GPC5: variants seen among roughly 807,000 people sequenced by gnomAD.
GPC5 encodes glypican 5, also known as glypican-5.
GPC5 carries 47 observed loss-of-function variants against 53.9 expected under a neutral mutation model. That is an observed-to-expected ratio of 0.87 (90% CI 0.69 to 1.11). The LOEUF (loss-of-function observed/expected upper bound fraction) is 1.11. Ranked by LOEUF, GPC5 falls within the 50% of genes most tolerant of loss-of-function variation. The probability of loss-of-function intolerance (pLI) is 0.00; values close to 1 mark genes in which losing one functional copy is unlikely to be tolerated. For missense variants in GPC5, 748 were observed against 713.1 expected (o/e 1.05, Z -0.56); for synonymous variants, 286 against 263.3 (o/e 1.09, Z -0.84).
At chr13:91,941,575 A>C (rs1378533682) in intron 6 of GPC5, among the ~76,000 whole-genome samples, 1 of 152,078 alleles carries the variant, frequency 6.6e-6, no homozygotes, top group Non-Finnish European at 1.5e-5. Context: ...TGAGAATCTT[A>C]CATGTCTAGA....
chr13:92,773,694 T>G (rs566312498), intron 7 of GPC5, among the ~76,000 whole-genome samples: 3 of 152,188 alleles, frequency 2.0e-5, no homozygotes, highest in South Asian at 2.1e-4. Context: ...TCTTGCCACT[T>G]GACTATCTAA....
chr13:91,627,854 C>A (rs554574779), intron 2 of GPC5, among the ~76,000 whole-genome samples: 68 of 152,132 alleles, frequency 4.5e-4, no homozygotes, highest in African/African-American at 1.6e-3. Context: ...TAATAGTATT[C>A]TTCAATATCA....
chr13:92,667,650 CT>C (rs1409970739), intron 7 of GPC5, among the ~76,000 whole-genome samples: 3 of 151,906 alleles, frequency 2.0e-5, no homozygotes, highest in Admixed American at 6.6e-5. Context: ...GACATTGCTG[CT>C]TTGGGGTACT....
chr13:92,857,286 C>A (rs1051481039), intron 7 of GPC5, among the ~76,000 whole-genome samples: 1 of 152,030 alleles, frequency 6.6e-6, no homozygotes, highest in South Asian at 2.1e-4. Flanking sequence ...TTAAACTGGA[C>A]TCCTACATGT....
chr13:92,705,598 C>T (rs995080966), intron 7 of GPC5, among the ~76,000 whole-genome samples: 1 of 151,986 alleles, frequency 6.6e-6, no homozygotes, highest in Non-Finnish European at 1.5e-5. Flanking sequence ...GAAATAAATA[C>T]ATAATGTCAT....
At chr13:92,005,733 G>A (rs745989233) in intron 6 of GPC5, among the ~76,000 whole-genome samples, 1 of 152,120 alleles carries the variant, frequency 6.6e-6, no homozygotes, top group Non-Finnish European at 1.5e-5. Flanking sequence ...ACAGTTCCTA[G>A]CCTATAATTA....
At chr13:91,937,716 T>C (rs528373250) in intron 6 of GPC5, among the ~76,000 whole-genome samples, 119 of 152,112 alleles carry the variant, frequency 7.8e-4, no homozygotes, top group Non-Finnish European at 1.5e-3. Context: ...TCATTCTGAA[T>C]TGTATATAGG....
At chr13:92,206,976 A>G (rs866528179) in intron 7 of GPC5, among the ~76,000 whole-genome samples, 1 of 152,166 alleles carries the variant, frequency 6.6e-6, no homozygotes, top group Non-Finnish European at 1.5e-5. Context: ...ATCTTTTGCT[A>G]TGAGCCTCTC....
intron 7 of GPC5, among the ~76,000 whole-genome samples, chr13:92,528,437 C>A (rs1018273332): frequency 2.6e-5 from 4 of 151,980 alleles, no homozygotes; most frequent in Non-Finnish European, 5.9e-5. Flanking sequence ...TATGACATTC[C>A]TTCTAGAATT....
At chr13:91,933,760 T>C (rs1172103720) in intron 6 of GPC5, among the ~76,000 whole-genome samples, 1 of 151,964 alleles carries the variant, frequency 6.6e-6, no homozygotes, top group Admixed American at 6.6e-5. Flanking sequence ...GATTTGTAGT[T>C]AGAAGTCATT....
intron 7 of GPC5, among the ~76,000 whole-genome samples, chr13:92,203,051 C>T (rs1001886182): frequency 6.6e-6 from 1 of 152,140 alleles, no homozygotes; most frequent in African/African-American, 2.4e-5. Flanking sequence ...AATAAATATT[C>T]ACCCCCATAG....
chr13:92,257,251 A>G (rs1311510474), intron 7 of GPC5, among the ~76,000 whole-genome samples: 3 of 152,078 alleles, frequency 2.0e-5, no homozygotes, highest in African/African-American at 4.8e-5. Context: ...AGTAATTGAA[A>G]TGTGATTTTT....
chr13:92,410,512 T>C (rs961940897), intron 7 of GPC5, among the ~76,000 whole-genome samples: 3 of 152,170 alleles, frequency 2.0e-5, no homozygotes, highest in Non-Finnish European at 4.4e-5. Flanking sequence ...TTGAAAGCAT[T>C]GCACAGAACT....
intron 6 of GPC5, among the ~76,000 whole-genome samples, chr13:92,091,132 G>A (rs1039170900): frequency 3.3e-5 from 5 of 152,168 alleles, no homozygotes; most frequent in African/African-American, 1.2e-4. Context: ...ACAGCAGCTT[G>A]AGCTGCCTAA....
At chr13:92,225,093 G>A (rs2042475681) in intron 7 of GPC5, among the ~76,000 whole-genome samples, 2 of 152,078 alleles carry the variant, frequency 1.3e-5, no homozygotes, top group Admixed American at 6.5e-5. Flanking sequence ...TTGCCCCATA[G>A]CCTATTGAGT....
intron 6 of GPC5, among the ~76,000 whole-genome samples, chr13:92,046,338 T>G (rs559340532): frequency 1.3e-5 from 2 of 152,346 alleles, no homozygotes; most frequent in Admixed American, 6.5e-5. Context: ...GAATGTCATC[T>G]TGTTTTTATA....
At chr13:92,359,698 A>T (rs1373338311) in intron 7 of GPC5, among the ~76,000 whole-genome samples, 1 of 151,724 alleles carries the variant, frequency 6.6e-6, no homozygotes, top group Non-Finnish European at 1.5e-5. Flanking sequence ...GGAAGGAGGC[A>T]CATCTTACAT....
At chr13:91,976,621 A>G (rs2040304935) in intron 6 of GPC5, among the ~76,000 whole-genome samples, 1 of 152,202 alleles carries the variant, frequency 6.6e-6, no homozygotes, top group Admixed American at 6.5e-5. Flanking sequence ...ACACGTGAAG[A>G]GTCTGGCATC....
intron 7 of GPC5, among the ~76,000 whole-genome samples, chr13:92,782,252 C>A (rs1294980004): frequency 6.6e-6 from 1 of 152,142 alleles, no homozygotes; most frequent in Non-Finnish European, 1.5e-5. Flanking sequence ...TTCCATAAAG[C>A]CTTACCAAAT....
Sources: gnomAD v4.1 joint callset for allele counts (sites outside exome capture counted in the v4.1 genomes callset) on GRCh38, gnomAD v4.1.1 for gene constraint, MANE v1.5 for transcripts, NCBI Gene and HGNC (gene_info 2026-07-23, HGNC 2026-07-21) for gene names.